The following GLIPR1L1 variants were observed in gnomAD, a reference collection of about 807,000 sequenced individuals.
The protein encoded by GLIPR1L1 is GLIPR1-like protein 1.
A neutral mutation model predicts 29.9 loss-of-function variants in GLIPR1L1; 26 were observed. The observed-to-expected ratio is 0.87, with a 90% CI of 0.64 to 1.21. The LOEUF is 1.21. Ranked by LOEUF, GLIPR1L1 falls within the 50% of genes most tolerant of loss-of-function variation. GLIPR1L1 has a pLI of 0.00. For missense variants in GLIPR1L1, 305 were observed against 290.3 expected (o/e 1.05, Z -0.37); for synonymous variants, 77 against 97.5 (o/e 0.79, Z 1.24).
At chr12:75,340,371 G>A (rs889643279) in intron 1 of GLIPR1L1, among the ~76,000 whole-genome samples, 1 of 151,412 alleles carries the variant, frequency 6.6e-6, no homozygotes, top group Admixed American at 6.6e-5. Flanking sequence ...TTCAAGAAAT[G>A]GTGTTGAAAC....
At position 75,363,225 on chromosome 12, in the gene GLIPR1L1, A is replaced by C. The variant is rs957628148; in HGVS notation, c.610+35A>C. ...AATATATATATATAATTACATTTAG[A>C]GAGTAAAGTTTCCATATATTTATTA... On this transcript the variant is annotated intron_variant, in intron 4 of 5. Transcript: ENST00000378695. The C allele has an allele frequency of 8.2e-6, 8 of 974,804 alleles. No homozygotes were observed. In the Admixed American group the frequency reaches 1.0e-4, roughly 13 times the overall value. The allele number at this position is 974,804 out of a possible 1,614,324, so 60.4% of individuals were successfully genotyped here.
intron 1 of GLIPR1L1, among the ~76,000 whole-genome samples, chr12:75,340,580 A>C (rs2042034669): frequency 6.6e-6 from 1 of 152,048 alleles, no homozygotes; most frequent in African/African-American, 2.4e-5. Flanking sequence ...AAAGTCAACA[A>C]ATTTGACCTC....
At chr12:75,368,600 T>A (rs990986343) in intron 4 of GLIPR1L1, among the ~76,000 whole-genome samples, 3 of 151,806 alleles carry the variant, frequency 2.0e-5, no homozygotes, top group African/African-American at 7.2e-5. Flanking sequence ...TAACTTTTTT[T>A]ATTTACAAAT....
At chr12:75,364,587 T>A (rs1442833402) in intron 4 of GLIPR1L1, among the ~76,000 whole-genome samples, 2 of 152,192 alleles carry the variant, frequency 1.3e-5, no homozygotes, top group Non-Finnish European at 2.9e-5. Flanking sequence ...TTAAGTAATA[T>A]AAAAGCCAAC....
At chr12:75,336,713 T>C (rs2041761239) in intron 1 of GLIPR1L1, among the ~76,000 whole-genome samples, 1 of 151,558 alleles carries the variant, frequency 6.6e-6, no homozygotes, top group Non-Finnish European at 1.5e-5. Context: ...TTAATCTTAG[T>C]GAGTAAGAGA....
At chr12:75,346,763 G>A (rs1429032396) in intron 2 of GLIPR1L1, among the ~76,000 whole-genome samples, 1 of 151,990 alleles carries the variant, frequency 6.6e-6, no homozygotes. Context: ...GCTAGGACAA[G>A]GCTATAGAAA....
At chr12:75,358,738 G>GGTTTAAATATATATAATATATTATATAT (rs1199158202) in intron 3 of GLIPR1L1, among the ~76,000 whole-genome samples, 51 of 129,686 alleles carry the variant, frequency 3.9e-4, no homozygotes, top group African/African-American at 1.1e-3. Context: ...TTATATATAT[G>GGTTTAAATATATATAATATATTATATAT]GTTTAAATAT....
chr12:75,361,925 A>C (rs2043623776), intron 3 of GLIPR1L1, among the ~76,000 whole-genome samples: 1 of 152,154 alleles, frequency 6.6e-6, no homozygotes, highest in Non-Finnish European at 1.5e-5. Context: ...TACAACTATA[A>C]AAACTTTAGA....
chr12:75,339,406 G>C lies in GLIPR1L1; in HGVS notation c.175-4287G>C, dbSNP rs190546948. On this transcript the variant is annotated intron_variant, in intron 1 of 5. Transcript: ENST00000378695. ...TGGCCATATGTATGTCTTCTTTTGA[G>C]AAGTGTCTGTTCATGTCCTTTGGCC... Among the ~76,000 whole-genome samples, 19 of 152,142 alleles carry C rather than the reference G, an allele frequency of 1.2e-4. No homozygotes were observed. In the East Asian group the frequency reaches 3.7e-3, roughly 29 times the overall value.
chr12:75,338,619 G>A (rs1298814654), intron 1 of GLIPR1L1, among the ~76,000 whole-genome samples: 1 of 151,786 alleles, frequency 6.6e-6, no homozygotes, highest in African/African-American at 2.4e-5. Flanking sequence ...AAGTTCTGGG[G>A]TACATGTGCA....
At chr12:75,357,829 T>C (rs2043252009) in intron 3 of GLIPR1L1, among the ~76,000 whole-genome samples, 1 of 151,262 alleles carries the variant, frequency 6.6e-6, no homozygotes, top group Non-Finnish European at 1.5e-5. Context: ...AATAAGAACA[T>C]ACGGGATGCT....
At chr12:75,366,863 T>C in intron 4 of GLIPR1L1, 4 of 701,270 alleles carry the variant, frequency 5.7e-6, no homozygotes, top group Non-Finnish European at 1.0e-5. Flanking sequence ...GAATGAGTCT[T>C]TTAAAACTAA....
chr12:75,363,089 C>T lies in GLIPR1L1; in HGVS notation c.522-13C>T, dbSNP rs1369974316. ...ACAGCCATTTGGCTAATCAATGTTT[C>T]TCTTTTTTACAGAGGAAATTTTGCA... On this transcript the variant is annotated splice_polypyrimidine_tract_variant and intron_variant, in intron 3 of 5. Coordinates refer to ENST00000378695, the MANE Select transcript of GLIPR1L1 (RefSeq NM_001304964.2). 6.9e-7 allele frequency: 1 copy of T among 1,450,902 alleles called. No individual in the cohort carries two copies. The highest frequency in any genetic ancestry group is 1.3e-5 in the South Asian group (1 of 75,748). 89.9% of individuals were successfully genotyped at this position (1,450,902 alleles called of 1,614,324 possible). A position where few individuals can be genotyped will look rare whatever the true frequency, so the allele number is the denominator to read the frequency against.
intron 3 of GLIPR1L1, among the ~76,000 whole-genome samples, chr12:75,348,869 C>T (rs2042621404): frequency 6.6e-6 from 1 of 152,112 alleles, no homozygotes; most frequent in African/African-American, 2.4e-5. Flanking sequence ...GGGCCGTGAT[C>T]TCTGAAAAAT....
intron 1 of GLIPR1L1, 95 bp downstream of exon 1, chr12:75,334,997 C>T (rs1230408471): frequency 3.3e-6 from 4 of 1,222,798 alleles, no homozygotes; most frequent in Middle Eastern, 2.8e-4. Flanking sequence ...CTAATTCAAT[C>T]CGGACTTTAC....
chr12:75,369,306 T>C (rs2044199089), intron 4 of GLIPR1L1, among the ~76,000 whole-genome samples: 1 of 151,646 alleles, frequency 6.6e-6, no homozygotes, highest in African/African-American at 2.4e-5. Context: ...TCATTTTTAC[T>C]CATCTTATTT....
intron 3 of GLIPR1L1, among the ~76,000 whole-genome samples, chr12:75,356,349 A>T (rs2043156474): frequency 6.6e-6 from 1 of 152,142 alleles, no homozygotes; most frequent in Non-Finnish European, 1.5e-5. Flanking sequence ...AATATATAAG[A>T]TGTTTTCTTA....
chr12:75,358,597 C>T (rs1302368494), intron 3 of GLIPR1L1, among the ~76,000 whole-genome samples: 5 of 150,210 alleles, frequency 3.3e-5, no homozygotes, highest in Non-Finnish European at 1.5e-5. Flanking sequence ...AACATTATGC[C>T]TAATAGTAAA....
At chr12:75,349,450 A>C (rs1204013819) in intron 3 of GLIPR1L1, among the ~76,000 whole-genome samples, 2 of 152,224 alleles carry the variant, frequency 1.3e-5, no homozygotes, top group African/African-American at 4.8e-5. Context: ...TCTGGCATCT[A>C]ATGAAATATT....
Sources: gnomAD v4.1 joint callset for allele counts (sites outside exome capture counted in the v4.1 genomes callset) on GRCh38, gnomAD v4.1.1 for gene constraint, MANE v1.5 for transcripts, NCBI Gene and HGNC (gene_info 2026-07-23, HGNC 2026-07-21) for gene names.